MARCHF1: variants seen among roughly 807,000 people sequenced by gnomAD.
MARCHF1 encodes the protein membrane associated ring-CH-type finger 1, also known as E3 ubiquitin-protein ligase MARCHF1.
MARCHF1 carries 40 observed loss-of-function variants against 54.2 expected under a neutral mutation model. The observed-to-expected ratio is 0.74, with a 90% CI of 0.57 to 0.96. The LOEUF (loss-of-function observed/expected upper bound fraction) is 0.96, where lower values mean the gene tolerates loss of function less well. MARCHF1 is among the 40% of genes least tolerant of loss of function. The probability of loss-of-function intolerance (pLI) is 0.00; values close to 1 mark genes in which losing one functional copy is unlikely to be tolerated. For synonymous variants in MARCHF1, 236 were observed against 236.3 expected, an observed-to-expected ratio of 1.00 and a Z score of 0.01; for missense variants, 586 against 656.5, an observed-to-expected ratio of 0.89 and a Z score of 1.17.
intron 1 of MARCHF1, among the ~76,000 whole-genome samples, chr4:164,325,234 T>C (rs1175587298): frequency 6.6e-6 from 1 of 151,150 alleles, no homozygotes; most frequent in Non-Finnish European, 1.5e-5. Context: ...AGAGAACACA[T>C]GACTCTAAAG....
At chr4:163,801,740 C>T (rs1405558563) in intron 4 of MARCHF1, among the ~76,000 whole-genome samples, 1 of 152,026 alleles carries the variant, frequency 6.6e-6, no homozygotes, top group South Asian at 2.1e-4. Flanking sequence ...GTTAATTTTG[C>T]TTGTTTTAAA....
chr4:164,087,559 G>A (rs1001968564), intron 2 of MARCHF1, among the ~76,000 whole-genome samples: 4 of 152,102 alleles, frequency 2.6e-5, no homozygotes, highest in East Asian at 1.9e-4. Context: ...GGTTTTATCC[G>A]AGGATTAAAG....
intron 5 of MARCHF1, among the ~76,000 whole-genome samples, chr4:163,689,527 A>C (rs922272390): frequency 2.0e-5 from 3 of 152,232 alleles, no homozygotes; most frequent in African/African-American, 7.2e-5. Context: ...ACTTATTTTT[A>C]AAATTTTATA....
intron 3 of MARCHF1, among the ~76,000 whole-genome samples, chr4:163,902,978 C>A (rs1560812260): frequency 6.6e-6 from 1 of 152,102 alleles, no homozygotes; most frequent in African/African-American, 2.4e-5. Context: ...TCCCACCATA[C>A]TTGCACTTCC....
intron 2 of MARCHF1, among the ~76,000 whole-genome samples, chr4:164,099,750 A>C (rs1377989525): frequency 6.6e-6 from 1 of 152,192 alleles, no homozygotes; most frequent in Non-Finnish European, 1.5e-5. Context: ...TTCAAAAGAA[A>C]ATTTTGTTAA....
intron 5 of MARCHF1, among the ~76,000 whole-genome samples, chr4:163,614,049 T>G (rs1208216082): frequency 1.3e-5 from 2 of 152,144 alleles, no homozygotes; most frequent in Non-Finnish European, 2.9e-5. Context: ...ACTAAAGTCC[T>G]ACCTTTGAAA....
chr4:164,284,397 T>C (rs935565650), intron 1 of MARCHF1, among the ~76,000 whole-genome samples: 12 of 144,820 alleles, frequency 8.3e-5, no homozygotes, highest in Admixed American at 7.8e-4. Context: ...TTCTCCAGAG[T>C]AGAAAAATTG....
chr4:163,564,187 G>C (rs1245504374), intron 8 of MARCHF1, among the ~76,000 whole-genome samples: 1 of 152,188 alleles, frequency 6.6e-6, no homozygotes, highest in African/African-American at 2.4e-5. Flanking sequence ...TGTGCGTTGA[G>C]ATGGAGTGCT....
At chr4:163,831,798 T>C (rs1236280379) in intron 4 of MARCHF1, among the ~76,000 whole-genome samples, 2 of 152,152 alleles carry the variant, frequency 1.3e-5, no homozygotes, top group African/African-American at 4.8e-5. Context: ...ATTTCCAATG[T>C]CATTTTTGTA....
At position 163,892,705 on chromosome 4, in the gene MARCHF1, T is replaced by A. The variant is rs116016562; in HGVS notation, c.-38-38536A>T. Among the ~76,000 whole-genome samples, 972 of 152,136 alleles carry A rather than the reference T, an allele frequency of 6.4e-3. 8 individuals are homozygous for A. Among genetic ancestry groups the A allele is most frequent in the East Asian group, 0.019 (97 of 5,182 alleles). ...TCAATTTATGTATTTATGTTTGCCA[T>A]AAGGGAGATGATGACAGAAGAAAAG... is the stretch of plus-strand genomic sequence containing the variant. On this transcript the variant is annotated intron_variant, in intron 3 of 9. Transcript: ENST00000514618.
At chr4:164,208,978 C>T (rs1731689683) in intron 1 of MARCHF1, among the ~76,000 whole-genome samples, 1 of 151,196 alleles carries the variant, frequency 6.6e-6, no homozygotes, top group Admixed American at 6.6e-5. Context: ...CTCTCTCTCT[C>T]ACTTTCTCTC....
chr4:163,944,738 T>A (rs1751990825), intron 3 of MARCHF1, among the ~76,000 whole-genome samples: 1 of 152,202 alleles, frequency 6.6e-6, no homozygotes, highest in Non-Finnish European at 1.5e-5. Flanking sequence ...TCACGTTAAT[T>A]ACAGGCAGGC....
At chr4:164,072,551 A>G (rs1273529713) in intron 2 of MARCHF1, among the ~76,000 whole-genome samples, 2 of 152,018 alleles carry the variant, frequency 1.3e-5, no homozygotes, top group Non-Finnish European at 2.9e-5. Context: ...ACAGAGTGAG[A>G]CTCTGTCTTG....
rs1738079964 is a variant in MARCHF1 at position 163,525,720 on chromosome 4, A to G, written c.*3028T>C. 6.6e-6 allele frequency: 1 copy of G among 151,874 alleles called. No individual in the cohort carries two copies. Among genetic ancestry groups the G allele is most frequent in the African/African-American group, 2.4e-5 (1 of 41,386 alleles). The allele number at this position is 151,874 out of a possible 1,614,324, so 9.4% of individuals were successfully genotyped here. A position where few individuals can be genotyped will look rare whatever the true frequency, so the allele number is the denominator to read the frequency against. Reference sequence around the variant, plus strand: ...TTCAATTTTAGTCCTTTTTTTTTCAATTCCATTTTATTTCTTCCACGAGCA... The same window carrying G: ...TTCAATTTTAGTCCTTTTTTTTTCAGTTCCATTTTATTTCTTCCACGAGCA... On this transcript the variant is annotated 3_prime_UTR_variant, in exon 10 of 10. Transcript: ENST00000514618.
rs10003736 is a variant in MARCHF1 at position 163,959,344 on chromosome 4, A to T, written c.-39+29157T>A. On this transcript the variant is annotated intron_variant, in intron 3 of 9. Transcript: ENST00000514618. ...AACAACAACAACAAAAAAAAAAAAC[A>T]ACAAAAAAACAAAAAACACAAAACA... is the stretch of plus-strand genomic sequence containing the variant. Among the ~76,000 whole-genome samples, 2,593 of 151,074 alleles carry T rather than the reference A, an allele frequency of 0.017. 134 individuals are homozygous for T. The East Asian group carries it at 0.19, about 11-fold the overall frequency.
rs1211164970 is a variant in MARCHF1 at position 163,528,702 on chromosome 4, G to A, written c.*46C>T. The A allele has an allele frequency of 6.5e-7, 1 of 1,550,280 alleles. No homozygotes were observed. The highest frequency in any genetic ancestry group is 1.8e-5 in the Admixed American group (1 of 56,134). On this transcript the variant is annotated 3_prime_UTR_variant, in exon 10 of 10. Transcript: ENST00000514618. Reference sequence around the variant, plus strand: ...CACTTCTGTCATTTGTAGTGGCTGAGGGCTAGAAAGATATTCTTCGGTGAA... The same window carrying A: ...CACTTCTGTCATTTGTAGTGGCTGAAGGCTAGAAAGATATTCTTCGGTGAA...
At chr4:163,552,786 C>G (rs1266175603) in intron 8 of MARCHF1, among the ~76,000 whole-genome samples, 1 of 152,000 alleles carries the variant, frequency 6.6e-6, no homozygotes, top group Non-Finnish European at 1.5e-5. Context: ...GTAATCCCAG[C>G]ACTTTGGGAG....
chr4:164,282,500 A>G (rs1363358181), intron 1 of MARCHF1, among the ~76,000 whole-genome samples: 1 of 150,674 alleles, frequency 6.6e-6, no homozygotes, highest in African/African-American at 2.4e-5. Flanking sequence ...CCGTTCCAAT[A>G]AATTTACCTA....
chr4:164,200,865 G>A (rs1387858660), intron 1 of MARCHF1, among the ~76,000 whole-genome samples: 2 of 152,164 alleles, frequency 1.3e-5, no homozygotes, highest in African/African-American at 2.4e-5. Flanking sequence ...ATCTTCCTGC[G>A]AGGGTGATGA....
Sources: allele counts gnomAD v4.1 joint callset (sites outside exome capture counted in the v4.1 genomes callset), GRCh38; gene constraint gnomAD v4.1.1; transcripts MANE v1.5; gene names NCBI Gene and HGNC (gene_info 2026-07-23, HGNC 2026-07-21).